The following ARMC8 variants were observed in gnomAD, a reference collection of about 807,000 sequenced individuals.
ARMC8 encodes armadillo repeat-containing protein 8.
ARMC8 carries 20 observed loss-of-function variants against 99.3 expected under a neutral mutation model. That is an observed-to-expected ratio of 0.20 (90% CI 0.14 to 0.29). The LOEUF is 0.29. ARMC8 is among the 10% of genes least tolerant of loss of function. The pLI is 1.00. For missense variants in ARMC8, 569 were observed against 809.5 expected (o/e 0.70, Z 3.60); for synonymous variants, 263 against 278.3 (o/e 0.95, Z 0.55).
At chr3:138,198,785 TACAGGCATGAGCC>T (rs2043886270) in intron 1 of ARMC8, among the ~76,000 whole-genome samples, 1 of 152,078 alleles carries the variant, frequency 6.6e-6, no homozygotes, top group African/African-American at 2.4e-5. Context: ...GTGCTGGGAT[TACAGGCATGAGCC>T]ACTGCGCCCG....
At chr3:138,217,296 G>C (rs1187287708) in intron 2 of ARMC8, among the ~76,000 whole-genome samples, 1 of 151,920 alleles carries the variant, frequency 6.6e-6, no homozygotes, top group African/African-American at 2.4e-5. Context: ...TTTGTTTTTA[G>C]GTGATATTAG....
At chr3:138,250,243 A>G (rs1409856020) in intron 12 of ARMC8, among the ~76,000 whole-genome samples, 4 of 152,190 alleles carry the variant, frequency 2.6e-5, no homozygotes, top group African/African-American at 7.2e-5. Context: ...TGTACTTAAA[A>G]TGTTTAGCAC....
At chr3:138,250,475 C>T (rs1414847998) in intron 12 of ARMC8, among the ~76,000 whole-genome samples, 1 of 152,042 alleles carries the variant, frequency 6.6e-6, no homozygotes, top group Non-Finnish European at 1.5e-5. Flanking sequence ...GAAACATAGG[C>T]TCTTTCTGTA....
intron 11 of ARMC8, among the ~76,000 whole-genome samples, chr3:138,243,494 G>T (rs2046728148): frequency 6.6e-6 from 1 of 152,292 alleles, no homozygotes; most frequent in African/African-American, 2.4e-5. Context: ...CTAGAATGTA[G>T]TTAAGACTTT....
At chr3:138,282,655 A>AG (rs1415095554) in intron 18 of ARMC8, among the ~76,000 whole-genome samples, 3 of 150,940 alleles carry the variant, frequency 2.0e-5, no homozygotes, top group Non-Finnish European at 4.4e-5. Flanking sequence ...AAAAAAAAAA[A>AG]GGAACACTCA....
intron 18 of ARMC8, among the ~76,000 whole-genome samples, chr3:138,277,541 AAAC>A (rs2049418046): frequency 6.6e-6 from 1 of 152,242 alleles, no homozygotes; most frequent in African/African-American, 2.4e-5. Flanking sequence ...AGAATTCTCA[AAAC>A]AACAAGAAAA....
At chr3:138,243,302 C>T (rs1003342556) in intron 11 of ARMC8, among the ~76,000 whole-genome samples, 1 of 152,094 alleles carries the variant, frequency 6.6e-6, no homozygotes, top group South Asian at 2.1e-4. Flanking sequence ...AAAATGACAT[C>T]GTAATACCAA....
chr3:138,253,643 G>A (rs180816419), intron 12 of ARMC8, among the ~76,000 whole-genome samples: 3 of 152,274 alleles, frequency 2.0e-5, no homozygotes, highest in East Asian at 1.9e-4. Context: ...TTCAGAAAAC[G>A]CCATTTCTCT....
intron 14 of ARMC8, 22 bp from the exon 15 acceptor site, chr3:138,267,133 G>T (rs2048359230): frequency 1.6e-6 from 2 of 1,276,186 alleles, no homozygotes; most frequent in Non-Finnish European, 2.2e-6. Context: ...ATCATTAGTA[G>T]TATCCTTTTT....
intron 17 of ARMC8, among the ~76,000 whole-genome samples, 154 bp from the exon 18 acceptor site, chr3:138,274,295 T>G (rs1282985523): frequency 1.3e-5 from 2 of 152,068 alleles, no homozygotes; most frequent in African/African-American, 4.8e-5. Context: ...AGCTTCAAAA[T>G]ATAATAAACA....
chr3:138,274,453 T>C lies in ARMC8; in HGVS notation c.1634T>C (p.Ile545Thr). ...GGATTTCCCATTGTTTTACAGCATA[T>C]AGATAAAATAATGAGTACTCATGGA... The part of the protein sequence containing the change: ...LRNLLSTRPH[I>T]DKIMSTHGKQ... The change falls in exon 18 of 22, where the codon ATA becomes ACA. Residue 545 changes from isoleucine (I) to threonine (T), a missense_variant. By Grantham distance (89) the Ile-to-Thr change is moderately conservative. Coordinates refer to ENST00000469044, the MANE Select transcript of ARMC8 (RefSeq NM_001363941.2). The C allele has an allele frequency of 1.3e-6, 2 of 1,582,310 alleles. No homozygotes were observed. The highest frequency in any genetic ancestry group is 1.7e-6 in the Non-Finnish European group (2 of 1,151,666).
At chr3:138,202,814 G>A (rs1007833842) in intron 1 of ARMC8, among the ~76,000 whole-genome samples, 1 of 152,098 alleles carries the variant, frequency 6.6e-6, no homozygotes, top group Non-Finnish European at 1.5e-5. Flanking sequence ...AATAAGTTTG[G>A]TATTTTCCTA....
chr3:138,261,434 A>G (rs1560005707), intron 12 of ARMC8: 1 of 152,190 alleles, frequency 6.6e-6, no homozygotes, highest in Non-Finnish European at 1.5e-5. Flanking sequence ...TATGAGGCGT[A>G]ATAGATGGGA....
intron 12 of ARMC8, among the ~76,000 whole-genome samples, chr3:138,247,151 C>CA (rs1311616663): frequency 6.6e-6 from 1 of 152,032 alleles, no homozygotes; most frequent in Non-Finnish European, 1.5e-5. Flanking sequence ...CTTTTGAGTG[C>CA]ATTTCTTTTC....
intron 1 of ARMC8, among the ~76,000 whole-genome samples, chr3:138,190,869 TCA>T (rs915922139): frequency 6.6e-6 from 1 of 152,168 alleles, no homozygotes; most frequent in African/African-American, 2.4e-5. Flanking sequence ...TATCAAATAA[TCA>T]CACAGTTTGT....
chr3:138,297,698 G>T lies in ARMC8; in HGVS notation c.*1806G>T, dbSNP rs1412803573. The T allele has an allele frequency of 6.6e-6, 1 of 152,148 alleles. No individual in the cohort carries two copies. The highest frequency in any genetic ancestry group is 1.5e-5 in the Non-Finnish European group (1 of 68,024). 9.4% of individuals were successfully genotyped at this position (152,148 alleles called of 1,614,324 possible). On this transcript the variant is annotated 3_prime_UTR_variant, in exon 22 of 22. Coordinates refer to ENST00000469044, the MANE Select transcript of ARMC8 (RefSeq NM_001363941.2). ...CCGATTTTAAAATCTGTCACAACAG[G>T]ACTTGGTTTTGTGCAGATATCAGAG...
intron 12 of ARMC8, among the ~76,000 whole-genome samples, chr3:138,253,933 T>C (rs970672828): frequency 3.9e-5 from 6 of 152,192 alleles, no homozygotes; most frequent in Admixed American, 6.5e-5. Flanking sequence ...TAACCTATTA[T>C]GAATGAGTCT....
intron 6 of ARMC8, 146 bp from the exon 7 acceptor site, chr3:138,234,888 C>A: frequency 1.6e-6 from 1 of 623,118 alleles, no homozygotes; most frequent in Non-Finnish European, 2.8e-6. Context: ...GTTTGTGCTG[C>A]TTTTTGAGGT....
chr3:138,281,288 A>C (rs1396129668), intron 18 of ARMC8, among the ~76,000 whole-genome samples: 1 of 148,754 alleles, frequency 6.7e-6, no homozygotes, highest in Non-Finnish European at 1.5e-5. Flanking sequence ...CCAATAATTG[A>C]TTTCTTTTTC....
Sources: gnomAD v4.1 joint callset for allele counts (sites outside exome capture counted in the v4.1 genomes callset) on GRCh38, gnomAD v4.1.1 for gene constraint, MANE v1.5 for transcripts, NCBI Gene and HGNC (gene_info 2026-07-23, HGNC 2026-07-21) for gene names.